Variants in TSN observed in about 807,000 individuals in gnomAD.
TSN encodes the protein translin, also known as component 3 of promoter of RISC.
TSN carries 5 observed loss-of-function variants against 29.4 expected under a neutral mutation model. The observed-to-expected ratio is 0.17, with a 90% CI of 0.09 to 0.36. The LOEUF (loss-of-function observed/expected upper bound fraction) is 0.36, where lower values mean the gene tolerates loss of function less well. TSN is among the 10% of genes least tolerant of loss of function. The pLI is 1.00. For synonymous variants in TSN, 106 were observed against 102.2 expected (o/e 1.04, Z -0.23); for missense variants, 159 against 272.8 (o/e 0.58, Z 2.94).
chr2:121,756,082 TTC>T (rs2074742826), intron 1 of TSN: 1 of 821,520 alleles, frequency 1.2e-6, no homozygotes. Context: ...TGTGTCAGTT[TTC>T]CTTCTTTTCA....
chr2:121,759,419 C>T (rs535865169), intron 3 of TSN, among the ~76,000 whole-genome samples: 1 of 152,148 alleles, frequency 6.6e-6, no homozygotes, highest in East Asian at 1.9e-4. Flanking sequence ...GACAGCCTGG[C>T]TAGCATGGCG....
chr2:121,763,438 C>T (rs910724301), intron 5 of TSN, among the ~76,000 whole-genome samples: 2 of 152,170 alleles, frequency 1.3e-5, no homozygotes, highest in South Asian at 4.1e-4. Context: ...AGCCACTGTG[C>T]CTGGCCCACT....
Position 121,762,996 on chromosome 2 carries a change from GTT to G in TSN, c.374-4_374-3del. On this transcript the variant is annotated splice_polypyrimidine_tract_variant and splice_region_variant and intron_variant, in intron 4 of 5. Transcript: ENST00000389682. ...TCACAGCATGACTTTATTTTCATGT[GTT>G]TTTTAGTTGAGCCAGATCGGGAGAA... The G allele has an allele frequency of 6.2e-7, 1 of 1,602,102 alleles. No individual in the cohort carries two copies. Among genetic ancestry groups the G allele is most frequent in the Non-Finnish European group, 8.5e-7 (1 of 1,176,560 alleles).
rs1435699261 is a variant in TSN at position 121,767,683 on chromosome 2, T to A, written c.*2316T>A. 6.6e-6 allele frequency: 1 copy of A among 152,170 alleles called. No homozygotes were observed. The highest frequency in any genetic ancestry group is 1.5e-5 in the Non-Finnish European group (1 of 68,046). The allele number at this position is 152,170 out of a possible 1,614,324, so 9.4% of individuals were successfully genotyped here. A position where few individuals can be genotyped will look rare whatever the true frequency, so the allele number is the denominator to read the frequency against. On this transcript the variant is annotated 3_prime_UTR_variant, in exon 6 of 6. Transcript: ENST00000389682. ...AGATTTGCCACATCTTAAACTTGAA[T>A]AATAGTATGAGTAATGCTTAAGGGA... is the stretch of plus-strand genomic sequence containing the variant.
rs1315314882 is a variant in TSN at position 121,767,806 on chromosome 2, TTG to T, written c.*2443_*2444del. On this transcript the variant is annotated 3_prime_UTR_variant, in exon 6 of 6. Transcript: ENST00000389682. Reference sequence around the variant, plus strand: ...GGTCGCTACTGGCATAGTTTCATAATTGTGTACTCGGAAATTAAAGTTTGCTT... The same window carrying T: ...GGTCGCTACTGGCATAGTTTCATAATTGTACTCGGAAATTAAAGTTTGCTT... 1 of 152,152 alleles carries T rather than the reference TTG, an allele frequency of 6.6e-6. No homozygotes were observed. The highest frequency in any genetic ancestry group is 1.9e-4 in the East Asian group (1 of 5,194). The allele number at this position is 152,152 out of a possible 1,614,324, so 9.4% of individuals were successfully genotyped here.
rs375538996 is a variant in TSN, at chr2:121,755,707, G to T, written c.-73G>T. 1.3e-5 allele frequency: 21 copies of T among 1,589,218 alleles called. No homozygotes were observed. The highest frequency in any genetic ancestry group is 1.2e-4 in the Admixed American group (7 of 59,644). ...GTAGCGGCGGCCGTTGCGATTGATT[G>T]CGCTGGTTGCCTGCGGCGTCCACTT... On this transcript the variant is annotated 5_prime_UTR_variant, in exon 1 of 6. Transcript: ENST00000389682.
At chr2:121,758,668 A>G (rs2074781193) in intron 2 of TSN, 42 bp from the exon 3 acceptor site, 1 of 1,455,452 alleles carries the variant, frequency 6.9e-7, no homozygotes, top group Non-Finnish European at 9.3e-7. Flanking sequence ...ACTGTATTTG[A>G]AATTTGGTTA....
At chr2:121,760,298 A>G (rs2074806382) in intron 3 of TSN, among the ~76,000 whole-genome samples, 1 of 152,224 alleles carries the variant, frequency 6.6e-6, no homozygotes, top group Non-Finnish European at 1.5e-5. Flanking sequence ...GAACAGTTTC[A>G]TCCTGAAACC....
At chr2:121,763,436 T>C (rs767686245) in intron 5 of TSN, among the ~76,000 whole-genome samples, 3 of 152,206 alleles carry the variant, frequency 2.0e-5, no homozygotes, top group East Asian at 1.9e-4. Context: ...TGAGCCACTG[T>C]GCCTGGCCCA....
At chr2:121,755,968 C>G in intron 1 of TSN, 123 bp downstream of exon 1, 5 of 1,530,432 alleles carry the variant, frequency 3.3e-6, no homozygotes, top group Non-Finnish European at 4.4e-6. Context: ...GTTGCTTCCC[C>G]TCTAGCTTTA....
Position 121,766,845 on chromosome 2 carries a change from A to G in TSN, c.*1478A>G, listed in dbSNP as rs2106458973. On this transcript the variant is annotated 3_prime_UTR_variant, in exon 6 of 6. Transcript: ENST00000389682. Reference sequence around the variant, plus strand: ...TTCACAGCTTTTATCAGGCCAAGTTAAAGGCTGACTACATTTTTTCATCAT... The same window carrying G: ...TTCACAGCTTTTATCAGGCCAAGTTGAAGGCTGACTACATTTTTTCATCAT... 1 of 152,344 alleles carries G rather than the reference A, an allele frequency of 6.6e-6. No homozygotes were observed. Among genetic ancestry groups the G allele is most frequent in the Non-Finnish European group, 1.5e-5 (1 of 68,034 alleles). The allele number at this position is 152,344 out of a possible 1,614,324, so 9.4% of individuals were successfully genotyped here. A position where few individuals can be genotyped will look rare whatever the true frequency, so the allele number is the denominator to read the frequency against.
chr2:121,757,769 G>T (rs1252877637), intron 2 of TSN, among the ~76,000 whole-genome samples: 1 of 151,524 alleles, frequency 6.6e-6, no homozygotes. Context: ...CAATTCTCCT[G>T]CCTCAGCCTC....
chr2:121,755,913 C>T lies in TSN; in HGVS notation c.66+68C>T, dbSNP rs573148660. The T allele has an allele frequency of 2.2e-5, 36 of 1,606,700 alleles. No individual in the cohort carries two copies. The African/African-American group carries it at 4.7e-4, about 21-fold the overall frequency. ...TAGTTGGGCCACTTCGCCCGGCCCTCCTCTGTCGCTCAGTCTCGGGCGGTG... is the reference window on the plus strand; with the variant it reads ...TAGTTGGGCCACTTCGCCCGGCCCTTCTCTGTCGCTCAGTCTCGGGCGGTG... On this transcript the variant is annotated intron_variant, in intron 1 of 5. Coordinates refer to ENST00000389682, the MANE Select transcript of TSN (RefSeq NM_004622.3).
rs116828702 is a variant in TSN at position 121,756,282 on chromosome 2, C to T, written c.66+437C>T. On this transcript the variant is annotated intron_variant, in intron 1 of 5. Transcript: ENST00000389682. ...TGGTTTCTCTTCAATCTCGTTTATG[C>T]TCTCTGTCTTTGTGTATGATGTTCA... The T allele has an allele frequency of 3.4e-3, 833 of 244,258 alleles. 6 individuals carry two copies. Among genetic ancestry groups the T allele is most frequent in the African/African-American group, 0.019 (793 of 41,456 alleles). 15.1% of individuals were successfully genotyped at this position (244,258 alleles called of 1,614,324 possible).
chr2:121,757,379 G>A (rs763253639), intron 2 of TSN, 46 bp downstream of exon 2: 3 of 1,612,274 alleles, frequency 1.9e-6, no homozygotes, highest in Non-Finnish European at 2.5e-6. Flanking sequence ...TTATTTAGAG[G>A]GAGAGTTTCT....
chr2:121,765,027 C>G, intron 5 of TSN, 107 bp from the exon 6 acceptor site: 1 of 941,470 alleles, frequency 1.1e-6, no homozygotes, highest in South Asian at 1.5e-5. Flanking sequence ...GATAGAAGAT[C>G]AGCGTGGCTG....
rs2074902597 is a variant in TSN, at chr2:121,766,443, A to ATGTTTTTGTTTTTGTTTTT, written c.*1076_*1077insTGTTTTTGTTTTTGTTTTT. The ATGTTTTTGTTTTTGTTTTT allele has an allele frequency of 5.3e-5, 8 of 152,304 alleles. 1 individual carries two copies. The South Asian group carries it at 1.7e-3, about 32-fold the overall frequency. 9.4% of individuals were successfully genotyped at this position (152,304 alleles called of 1,614,324 possible). ...ACAAAGTGAGACTCCATCTCTATAT[A>ATGTTTTTGTTTTTGTTTTT]AAAACAAAAACCACGAAAGCACACA... is the stretch of plus-strand genomic sequence containing the variant. On this transcript the variant is annotated 3_prime_UTR_variant, in exon 6 of 6. Transcript: ENST00000389682.
intron 4 of TSN, among the ~76,000 whole-genome samples, chr2:121,762,596 T>G (rs528490333): frequency 6.6e-6 from 1 of 152,382 alleles, no homozygotes; most frequent in African/African-American, 2.4e-5. Context: ...AATAGTACAA[T>G]GAATACCTGT....
intron 3 of TSN, among the ~76,000 whole-genome samples, chr2:121,759,122 T>G (rs906379814): frequency 3.3e-5 from 5 of 152,250 alleles, no homozygotes; most frequent in Non-Finnish European, 5.9e-5. Flanking sequence ...GAACTATAGT[T>G]AGTGAAATAA....
Sources: allele counts gnomAD v4.1 joint callset (sites outside exome capture counted in the v4.1 genomes callset), GRCh38; gene constraint gnomAD v4.1.1; transcripts MANE v1.5; gene names NCBI Gene and HGNC (gene_info 2026-07-23, HGNC 2026-07-21).